Variants in RELN observed in about 807,000 individuals in gnomAD.
RELN encodes reelin.
Under a neutral mutation model 427.6 loss-of-function variants are expected in RELN, and 108 were observed. The ratio of observed to expected loss-of-function variants is 0.25; its 90% CI spans 0.22 to 0.30. The LOEUF is 0.30. Ranked by LOEUF, RELN falls within the 10% of genes least tolerant of loss-of-function variation. RELN has a pLI of 1.00. For synonymous variants in RELN, 1,524 were observed against 1,513.4 expected (o/e 1.01, Z -0.16); for missense variants, 3,715 against 4,302.8 (o/e 0.86, Z 3.82).
intron 1 of RELN, among the ~76,000 whole-genome samples, chr7:103,973,573 T>C (rs1157234457): frequency 6.6e-6 from 1 of 152,044 alleles, no homozygotes; most frequent in Admixed American, 6.6e-5. Flanking sequence ...TTTGCCAAAA[T>C]TTAAAATATG....
intron 11 of RELN, among the ~76,000 whole-genome samples, chr7:103,670,627 A>G (rs939899155): frequency 6.6e-6 from 1 of 151,584 alleles, no homozygotes; most frequent in Non-Finnish European, 1.5e-5. Context: ...CATGGGGGGG[A>G]AATTTTAGAC....
At chr7:103,644,831 G>C (rs551457267) in intron 16 of RELN, among the ~76,000 whole-genome samples, 4 of 151,802 alleles carry the variant, frequency 2.6e-5, no homozygotes, top group Non-Finnish European at 5.9e-5. Context: ...ATAGTCATCA[G>C]ACTATCTAGA....
intron 1 of RELN, among the ~76,000 whole-genome samples, chr7:103,962,559 C>T (rs1796579035): frequency 6.6e-6 from 1 of 152,002 alleles, no homozygotes; most frequent in Non-Finnish European, 1.5e-5. Context: ...CTCACAGAAA[C>T]ACCAAGCGGA....
At chr7:103,844,664 A>T (rs1305962818) in intron 2 of RELN, among the ~76,000 whole-genome samples, 1 of 152,184 alleles carries the variant, frequency 6.6e-6, no homozygotes, top group Admixed American at 6.5e-5. Context: ...CAAGTTACTT[A>T]AACTCTCTAA....
chr7:103,761,628 TGGG>T (rs35263819), intron 4 of RELN, among the ~76,000 whole-genome samples: 4 of 149,830 alleles, frequency 2.7e-5, no homozygotes, highest in Non-Finnish European at 4.5e-5. Context: ...AATTTTTTTT[TGGG>T]GGGGGGTAGA....
At chr7:103,898,875 G>A (rs1490110807) in intron 2 of RELN, among the ~76,000 whole-genome samples, 7 of 151,962 alleles carry the variant, frequency 4.6e-5, no homozygotes, top group Non-Finnish European at 1.0e-4. Flanking sequence ...GTTCTTCACT[G>A]TCAGAAAATT....
At chr7:103,605,941 A>G (rs1831808303) in intron 22 of RELN, among the ~76,000 whole-genome samples, 2 of 152,198 alleles carry the variant, frequency 1.3e-5, no homozygotes, top group Non-Finnish European at 2.9e-5. Flanking sequence ...GTCATGGAAC[A>G]TACGATGGGA....
At chr7:103,558,934 GA>G (rs201402023) in intron 36 of RELN, among the ~76,000 whole-genome samples, 1,758 of 152,282 alleles carry the variant, frequency 0.012, 33 homozygotes, top group African/African-American at 0.04. Context: ...AGCTAAAAGA[GA>G]ACATTTTCCT....
At chr7:103,533,861 A>G (rs1278150242) in intron 46 of RELN, among the ~76,000 whole-genome samples, 3 of 152,230 alleles carry the variant, frequency 2.0e-5, no homozygotes, top group Non-Finnish European at 4.4e-5. Context: ...AATAATTCAT[A>G]GAATTCATAA....
intron 4 of RELN, among the ~76,000 whole-genome samples, chr7:103,764,684 A>C (rs1791384820): frequency 6.6e-6 from 1 of 151,776 alleles, no homozygotes; most frequent in African/African-American, 2.4e-5. Flanking sequence ...AAAAATACAA[A>C]AATTAGCTGG....
At chr7:103,591,246 C>T (rs2117243501) in intron 27 of RELN, among the ~76,000 whole-genome samples, 1 of 152,026 alleles carries the variant, frequency 6.6e-6, no homozygotes, top group Admixed American at 6.5e-5. Context: ...AAAGACTTTA[C>T]TAAATAAGAA....
intron 3 of RELN, among the ~76,000 whole-genome samples, chr7:103,783,429 T>C (rs1014271485): frequency 5.9e-5 from 9 of 152,198 alleles, no homozygotes; most frequent in Non-Finnish European, 2.9e-5. Context: ...GGCAAAGCCA[T>C]TGCAAAATAA....
intron 2 of RELN, among the ~76,000 whole-genome samples, chr7:103,871,021 G>A (rs1794319697): frequency 6.6e-6 from 1 of 152,096 alleles, no homozygotes; most frequent in African/African-American, 2.4e-5. Flanking sequence ...GCAGAAAACA[G>A]GGGTGATCAT....
rs747450340 is a variant in RELN, at chr7:103,833,614, G to T, written c.396C>A (p.His132Gln). The T allele has an allele frequency of 6.2e-7, 1 of 1,613,484 alleles. No homozygotes were observed. Among genetic ancestry groups the T allele is most frequent in the Admixed American group, 1.7e-5 (1 of 60,014 alleles). ...NQFMCSVVAS[H>Q]VSHLPTTNLS... ...GGTTGGTTGTGGGCAGGTGACTCAC[G>T]TGAGAGGCTACCACACTGCACATAA... Residue 132 changes from histidine (H) to glutamine (Q), a missense_variant, in exon 3 of 65, where the codon CAC (histidine) becomes CAA (glutamine). Physicochemically the swap from His to Gln is conservative, Grantham distance 24. This residue lies in a region of RELN where 2,208 missense variants were observed against 2,361.7 expected (regional missense o/e 0.93). Transcript: ENST00000428762.
chr7:103,709,147 T>C (rs1436053310), intron 8 of RELN, among the ~76,000 whole-genome samples: 1 of 152,112 alleles, frequency 6.6e-6, no homozygotes, highest in South Asian at 2.1e-4. Context: ...TTATTAGCTT[T>C]TCTGTAGTAT....
chr7:103,605,974 G>A (rs1831809250), intron 22 of RELN, among the ~76,000 whole-genome samples: 1 of 152,042 alleles, frequency 6.6e-6, no homozygotes, highest in African/African-American at 2.4e-5. Flanking sequence ...CTCCTCTATG[G>A]TAATCAGTTT....
intron 4 of RELN, 84 bp downstream of exon 4, chr7:103,776,473 T>G: frequency 1.3e-5 from 17 of 1,345,394 alleles, no homozygotes; most frequent in Non-Finnish European, 1.7e-5. Context: ...GTAATCATAA[T>G]GAAATGCTTA....
chr7:103,545,959 T>C (rs1452744458), intron 41 of RELN, among the ~76,000 whole-genome samples: 1 of 152,066 alleles, frequency 6.6e-6, no homozygotes, highest in Non-Finnish European at 1.5e-5. Flanking sequence ...TAATACACTC[T>C]GTATAACTAA....
chr7:103,739,210 C>T (rs1790575667), intron 6 of RELN, among the ~76,000 whole-genome samples: 2 of 152,148 alleles, frequency 1.3e-5, no homozygotes, highest in African/African-American at 4.8e-5. Context: ...ACATAAAATA[C>T]TGGCACTGTT....
Sources: gnomAD v4.1 joint callset for allele counts (sites outside exome capture counted in the v4.1 genomes callset) on GRCh38, gnomAD v4.1.1 for gene constraint, gnomAD v4.1.1 regional missense constraint, MANE v1.5 for transcripts, NCBI Gene and HGNC (gene_info 2026-07-23, HGNC 2026-07-21) for gene names.